The following TRIM23 variants were observed in gnomAD, a reference collection of about 807,000 sequenced individuals.
TRIM23 encodes the protein tripartite motif containing 23, also known as E3 ubiquitin-protein ligase TRIM23.
A neutral mutation model predicts 71.0 loss-of-function variants in TRIM23; 27 were observed. The ratio of observed to expected loss-of-function variants is 0.38; its 90% CI spans 0.28 to 0.52. TRIM23 has a LOEUF of 0.52. TRIM23 is among the 20% of genes least tolerant of loss of function. The probability of loss-of-function intolerance (pLI) is 0.84; values close to 1 mark genes in which losing one functional copy is unlikely to be tolerated. For missense variants in TRIM23, 482 were observed against 692.3 expected, an observed-to-expected ratio of 0.70 and a Z score of 3.41; for synonymous variants, 234 against 238.0, an observed-to-expected ratio of 0.98 and a Z score of 0.16.
At chr5:65,614,959 G>A (rs374302092) in intron 2 of TRIM23, among the ~76,000 whole-genome samples, 9 of 151,922 alleles carry the variant, frequency 5.9e-5, no homozygotes, top group African/African-American at 9.7e-5. Flanking sequence ...GTGCAGTAGC[G>A]TGATCTCTGC....
chr5:65,611,755 G>T lies in TRIM23; in HGVS notation c.493C>A (p.Arg165=), dbSNP rs118067247. ...TGAGGTTTATCAGCTAGAGGAACTC[G>T]CCTGTGCTTTGCTAATGTCTTTGTA... ...HSTKTLAKHR[R]VPLADKPHEK... The change falls in exon 4 of 11, where the codon CGA becomes AGA. Residue 165 remains arginine (R), a synonymous_variant. Transcript: ENST00000231524. 12 of 1,614,130 alleles carry T rather than the reference G, an allele frequency of 7.4e-6. No individual in the cohort carries two copies. The East Asian group carries it at 2.7e-4, about 36-fold the overall frequency.
At position 65,611,820 on chromosome 5, in the gene TRIM23, G is replaced by A. The variant is rs1754657836; in HGVS notation, c.428C>T (p.Ala143Val). Residue 143 changes from alanine to valine, a missense_variant, in exon 4 of 11, where the codon GCA (alanine) becomes GTA (valine). By Grantham distance (64) the Ala-to-Val change is moderately conservative (BLOSUM62 0). This residue lies in a region of TRIM23 where 175 missense variants were observed against 196.5 expected (regional missense o/e 0.89). Coordinates refer to ENST00000231524, the MANE Select transcript of TRIM23 (RefSeq NM_001656.4). ...HLASVYCTVC[A>V]THLCSECSQV... is the part of the protein sequence containing the mutation. ...AGAACACTCAGAGCACAAATGAGTTGCACACACAGTGCAATATACAGAGGC... is the reference window on the plus strand; with the variant it reads ...AGAACACTCAGAGCACAAATGAGTTACACACACAGTGCAATATACAGAGGC... 6.2e-7 allele frequency: 1 copy of A among 1,614,018 alleles called. No individual in the cohort carries two copies. The highest frequency in any genetic ancestry group is 8.5e-7 in the Non-Finnish European group (1 of 1,180,010).
intron 2 of TRIM23, among the ~76,000 whole-genome samples, chr5:65,615,365 A>G (rs1754752281): frequency 6.6e-6 from 1 of 152,232 alleles, no homozygotes. Context: ...ACCTATGAAT[A>G]AAAGTCAGAT....
rs187470027 is a variant in TRIM23 at position 65,610,152 on chromosome 5, G to A, written c.829-694C>T. ...ACTCTCACTACCCTAGTGTATTATA[G>A]GCCATAAACATCTCTAGTATTTTAA... is the stretch of plus-strand genomic sequence containing the variant. On this transcript the variant is annotated intron_variant, in intron 5 of 10. Transcript: ENST00000231524. Among the ~76,000 whole-genome samples the A allele has an allele frequency of 1.1e-4, 16 of 152,158 alleles. No individual in the cohort carries two copies. In the East Asian group the frequency reaches 2.1e-3, roughly 20 times the overall value.
rs1754823080 is a variant in TRIM23 at position 65,618,182 on chromosome 5, C to A, written c.155G>T (p.Gly52Val). The stretch of plus-strand genomic sequence containing the variant: ...GAGACAGTCATGACAGACGGTATGG[C>A]CACAAAGCAAAAGACGGGGAACTTT... ...GDKVPRLLLC[G>V]HTVCHDCLTR... The change falls in exon 2 of 11, where the codon GGC (glycine) becomes GTC (valine). Residue 52 changes from glycine to valine, a missense_variant. Transcript: ENST00000231524. 1.2e-6 allele frequency: 2 copies of A among 1,614,042 alleles called. No individual in the cohort carries two copies. The highest frequency in any genetic ancestry group is 1.7e-6 in the Non-Finnish European group (2 of 1,179,968).
intron 7 of TRIM23, chr5:65,604,670 G>T: frequency 2.9e-6 from 1 of 348,002 alleles, no homozygotes; most frequent in Non-Finnish European, 5.1e-6. Flanking sequence ...TAAAAATATG[G>T]CACACTTCAC....
At chr5:65,601,158 T>C (rs1354045304) in intron 7 of TRIM23, among the ~76,000 whole-genome samples, 1 of 152,180 alleles carries the variant, frequency 6.6e-6, no homozygotes, top group Non-Finnish European at 1.5e-5. Context: ...CAAAAGACCA[T>C]GAAAGCAGGG....
At chr5:65,602,799 G>A (rs751082538) in intron 7 of TRIM23, among the ~76,000 whole-genome samples, 1 of 152,172 alleles carries the variant, frequency 6.6e-6, no homozygotes, top group Non-Finnish European at 1.5e-5. Flanking sequence ...AAGCCCATTA[G>A]CTCTCATGAG....
At chr5:65,600,059 A>G (rs1754318871) in intron 7 of TRIM23, among the ~76,000 whole-genome samples, 1 of 152,168 alleles carries the variant, frequency 6.6e-6, no homozygotes, top group African/African-American at 2.4e-5. Flanking sequence ...GAGCAGGAGC[A>G]AGAGAGAGGG....
At chr5:65,603,729 T>C (rs1754422011) in intron 7 of TRIM23, among the ~76,000 whole-genome samples, 1 of 151,830 alleles carries the variant, frequency 6.6e-6, no homozygotes, top group African/African-American at 2.4e-5. Flanking sequence ...GAAAGCAAAA[T>C]GGTACACATG....
intron 6 of TRIM23, among the ~76,000 whole-genome samples, chr5:65,605,638 T>TA (rs947465715): frequency 3.3e-5 from 5 of 152,004 alleles, no homozygotes; most frequent in Admixed American, 2.6e-4. Flanking sequence ...ATGTATTCGT[T>TA]AAAAAAAATA....
intron 2 of TRIM23, 80 bp from the exon 3 acceptor site, chr5:65,614,299 C>T: frequency 7.3e-7 from 1 of 1,374,136 alleles, no homozygotes; most frequent in South Asian, 1.2e-5. Flanking sequence ...AAAGTAATTT[C>T]TAATATAGTT....
intron 7 of TRIM23, among the ~76,000 whole-genome samples, chr5:65,599,983 G>C (rs1754316475): frequency 6.6e-6 from 1 of 152,128 alleles, no homozygotes; most frequent in Admixed American, 6.5e-5. Context: ...TGGCTTCAGG[G>C]AAAGCCTCAG....
chr5:65,592,016 T>G (rs1312199787), intron 10 of TRIM23, 68 bp from the exon 11 acceptor site: 1 of 1,456,398 alleles, frequency 6.9e-7, no homozygotes, highest in Non-Finnish European at 9.3e-7. Context: ...TATCACCATT[T>G]ATAGAGAAAT....
chr5:65,617,867 A>T (rs1022554349), intron 2 of TRIM23, among the ~76,000 whole-genome samples: 7 of 152,226 alleles, frequency 4.6e-5, no homozygotes, highest in Non-Finnish European at 7.3e-5. Flanking sequence ...AGCTCTTTAC[A>T]GATAAGTATT....
At chr5:65,611,237 G>T (rs40198) in intron 4 of TRIM23, among the ~76,000 whole-genome samples, 194 bp from the exon 5 acceptor site, 19 of 151,912 alleles carry the variant, frequency 1.3e-4, no homozygotes, top group Non-Finnish European at 7.4e-5. Flanking sequence ...TTGGAAGTCC[G>T]TTTATTGCTA....
chr5:65,601,966 A>G (rs1479393688), intron 7 of TRIM23, among the ~76,000 whole-genome samples: 1 of 151,564 alleles, frequency 6.6e-6, no homozygotes, highest in South Asian at 2.1e-4. Context: ...TTCCTCCTGG[A>G]CCTCCAGGCC....
Position 65,609,478 on chromosome 5 carries a change from T to A in TRIM23, c.829-20A>T, listed in dbSNP as rs1465911233. The A allele has an allele frequency of 1.2e-6, 2 of 1,603,486 alleles. No individual in the cohort carries two copies. Among genetic ancestry groups the A allele is most frequent in the Admixed American group, 3.4e-5 (2 of 58,670 alleles). On this transcript the variant is annotated intron_variant, in intron 5 of 10. Coordinates refer to ENST00000231524, the MANE Select transcript of TRIM23 (RefSeq NM_001656.4). ...TGGTACCTAAGAAAATGAAAATAAA[T>A]TTTAAGCAACTGTAATGTTAATAAA...
rs904268348 is a variant in TRIM23 at position 65,605,053 on chromosome 5, A to G, written c.1045-8T>C. The stretch of plus-strand genomic sequence containing the variant: ...GACAACTCTACAATCATCCTATAAG[A>G]GGCAAAACAATATTTCTTATAAACT... On this transcript the variant is annotated splice_region_variant and splice_polypyrimidine_tract_variant and intron_variant, in intron 6 of 10. Transcript: ENST00000231524. 6.3e-7 allele frequency: 1 copy of G among 1,591,084 alleles called. No homozygotes were observed. Among genetic ancestry groups the G allele is most frequent in the Non-Finnish European group, 8.5e-7 (1 of 1,170,886 alleles).
Sources: gnomAD v4.1 joint callset for allele counts (sites outside exome capture counted in the v4.1 genomes callset) on GRCh38, gnomAD v4.1.1 for gene constraint, gnomAD v4.1.1 regional missense constraint, MANE v1.5 for transcripts, NCBI Gene and HGNC (gene_info 2026-07-23, HGNC 2026-07-21) for gene names.